The following TBC1D5 variants were observed in gnomAD, a reference collection of about 807,000 sequenced individuals.
TBC1D5 encodes the protein TBC1 domain family member 5.
TBC1D5 carries 75 observed loss-of-function variants against 100.3 expected under a neutral mutation model. The ratio of observed to expected loss-of-function variants is 0.75; its 90% CI spans 0.62 to 0.91. The LOEUF (loss-of-function observed/expected upper bound fraction) is 0.91. Ranked by LOEUF, TBC1D5 falls within the 40% of genes least tolerant of loss-of-function variation. TBC1D5 has a pLI of 0.00. For synonymous variants in TBC1D5, 323 were observed against 325.6 expected, an observed-to-expected ratio of 0.99 and a Z score of 0.09; for missense variants, 910 against 942.4, an observed-to-expected ratio of 0.97 and a Z score of 0.45.
At chr3:17,398,989 C>T (rs563896479) in intron 8 of TBC1D5, among the ~76,000 whole-genome samples, 1 of 151,982 alleles carries the variant, frequency 6.6e-6, no homozygotes, top group Admixed American at 6.6e-5. Flanking sequence ...GTTTCATAAA[C>T]TTGGGTGATG....
At chr3:17,606,441 C>T (rs1287147736) in intron 2 of TBC1D5, among the ~76,000 whole-genome samples, 6 of 151,672 alleles carry the variant, frequency 4.0e-5, no homozygotes, top group Admixed American at 6.6e-5. Flanking sequence ...AGTGAAACCC[C>T]GTCCAAAAAA....
chr3:17,204,967 T>C (rs2071961175), intron 18 of TBC1D5, among the ~76,000 whole-genome samples: 1 of 152,234 alleles, frequency 6.6e-6, no homozygotes, highest in South Asian at 2.1e-4. Flanking sequence ...CTACTCTTCC[T>C]GACCTTGAGT....
At chr3:17,207,195 T>C (rs750118596) in intron 18 of TBC1D5, among the ~76,000 whole-genome samples, 5 of 152,138 alleles carry the variant, frequency 3.3e-5, no homozygotes, top group Non-Finnish European at 7.4e-5. Flanking sequence ...ACTTTAACCT[T>C]AGCAAAGATA....
At chr3:17,583,032 C>T (rs191440884) in intron 2 of TBC1D5, among the ~76,000 whole-genome samples, 85 of 152,156 alleles carry the variant, frequency 5.6e-4, no homozygotes, top group Non-Finnish European at 9.1e-4. Context: ...TGCCTATAAT[C>T]CCAGCACTTT....
At chr3:17,713,526 G>A (rs2074956541) in intron 1 of TBC1D5, among the ~76,000 whole-genome samples, 2 of 152,160 alleles carry the variant, frequency 1.3e-5, no homozygotes, top group African/African-American at 2.4e-5. Flanking sequence ...ACAGGCATGA[G>A]CCACTGTGCC....
chr3:17,474,798 A>G (rs2095419132), intron 3 of TBC1D5, among the ~76,000 whole-genome samples: 2 of 152,124 alleles, frequency 1.3e-5, no homozygotes, highest in Admixed American at 1.3e-4. Context: ...AAGACTTATG[A>G]TATACATTGC....
chr3:17,461,520 T>A (rs779863231), intron 3 of TBC1D5, among the ~76,000 whole-genome samples: 2 of 152,220 alleles, frequency 1.3e-5, no homozygotes, highest in Non-Finnish European at 2.9e-5. Context: ...AGACTTTTAC[T>A]TCTTAGAATT....
intron 1 of TBC1D5, among the ~76,000 whole-genome samples, chr3:17,698,949 T>G (rs371382355): frequency 0.2 from 28,417 of 138,692 alleles, 3,220 homozygotes; most frequent in Non-Finnish European, 0.29. Context: ...TTGGTGGGAC[T>G]GTAAACTAGT....
At chr3:17,704,998 A>G (rs1235091982) in intron 1 of TBC1D5, among the ~76,000 whole-genome samples, 77 of 72,398 alleles carry the variant, frequency 1.1e-3, no homozygotes, top group South Asian at 1.6e-3. Context: ...GGCCGGGCGG[A>G]GGGCTGACCC....
chr3:17,238,422 G>A lies in TBC1D5; in HGVS notation c.1332-3C>T. ...GGGGAGCACCTTTGGCATTGGTCCTGTTAAAAAAAGAAATGGAGAAGCATT... is the reference window on the plus strand; with the variant it reads ...GGGGAGCACCTTTGGCATTGGTCCTATTAAAAAAAGAAATGGAGAAGCATT... On this transcript the variant is annotated splice_polypyrimidine_tract_variant and splice_region_variant and intron_variant, in intron 16 of 21. Transcript: ENST00000253692. 1.2e-6 allele frequency: 2 copies of A among 1,600,400 alleles called. No individual in the cohort carries two copies. The highest frequency in any genetic ancestry group is 1.7e-4 in the Middle Eastern group (1 of 5,974).
At chr3:17,694,829 G>A (rs1190077362) in intron 1 of TBC1D5, among the ~76,000 whole-genome samples, 2 of 152,144 alleles carry the variant, frequency 1.3e-5, no homozygotes, top group Non-Finnish European at 2.9e-5. Flanking sequence ...AGGAAAAAAT[G>A]TTAAAGGCAG....
intron 1 of TBC1D5, among the ~76,000 whole-genome samples, chr3:17,698,058 G>C (rs2072438338): frequency 6.6e-6 from 1 of 151,494 alleles, no homozygotes; most frequent in Non-Finnish European, 1.5e-5. Flanking sequence ...AGTTCATATG[G>C]AACCAAAAAA....
At chr3:17,494,551 C>T (rs1034606033) in intron 3 of TBC1D5, among the ~76,000 whole-genome samples, 6 of 152,332 alleles carry the variant, frequency 3.9e-5, no homozygotes, top group African/African-American at 1.4e-4. Context: ...CACAGCTGCC[C>T]CTCCCACCAG....
At chr3:17,418,850 C>A (rs2094144535) in intron 4 of TBC1D5, among the ~76,000 whole-genome samples, 1 of 152,186 alleles carries the variant, frequency 6.6e-6, no homozygotes, top group Non-Finnish European at 1.5e-5. Flanking sequence ...CAAACCCTAA[C>A]AAAAGTACAG....
chr3:17,403,132 T>C (rs2093687194), intron 8 of TBC1D5, 49 bp downstream of exon 8: 4 of 1,469,988 alleles, frequency 2.7e-6, no homozygotes, highest in South Asian at 1.3e-5. Flanking sequence ...TAGAAAGAGA[T>C]AACAACAATT....
intron 1 of TBC1D5, among the ~76,000 whole-genome samples, chr3:17,698,670 C>G (rs1372479550): frequency 6.7e-6 from 1 of 148,430 alleles, no homozygotes; most frequent in African/African-American, 2.5e-5. Context: ...TATCCAGAAT[C>G]TACAATGAAC....
intron 1 of TBC1D5, among the ~76,000 whole-genome samples, chr3:17,624,407 G>C (rs762381709): frequency 2.0e-5 from 3 of 151,982 alleles, no homozygotes; most frequent in Non-Finnish European, 4.4e-5. Context: ...TCTCCTTTAT[G>C]TTGTGTCTTT....
intron 1 of TBC1D5, among the ~76,000 whole-genome samples, chr3:17,681,265 C>T (rs1449469549): frequency 6.6e-6 from 1 of 151,566 alleles, no homozygotes; most frequent in African/African-American, 2.4e-5. Flanking sequence ...TCATATTATA[C>T]ATATGAATAA....
chr3:17,548,542 A>C (rs1380010875), intron 2 of TBC1D5, among the ~76,000 whole-genome samples: 1 of 152,204 alleles, frequency 6.6e-6, no homozygotes, highest in Non-Finnish European at 1.5e-5. Context: ...GTTAATAAAA[A>C]TACTATCATT....
Sources: allele counts gnomAD v4.1 joint callset (sites outside exome capture counted in the v4.1 genomes callset), GRCh38; gene constraint gnomAD v4.1.1; transcripts MANE v1.5; gene names NCBI Gene and HGNC (gene_info 2026-07-23, HGNC 2026-07-21).